Variants in LIMS1 observed in about 807,000 individuals in gnomAD.
The protein encoded by LIMS1 is LIM zinc finger domain containing 1.
Under a neutral mutation model 44.1 loss-of-function variants are expected in LIMS1, and 18 were observed. That is an observed-to-expected ratio of 0.41 (90% CI 0.28 to 0.61). LIMS1 has a LOEUF of 0.61. LIMS1 is among the 20% of genes least tolerant of loss of function. LIMS1 has a pLI of 0.32. For synonymous variants in LIMS1, 93 were observed against 149.1 expected, an observed-to-expected ratio of 0.62 and a Z score of 2.74; for missense variants, 201 against 422.0, an observed-to-expected ratio of 0.48 and a Z score of 4.59.
intron 1 of LIMS1, among the ~76,000 whole-genome samples, chr2:108,640,806 C>A (rs1323905506): frequency 2.6e-5 from 4 of 152,192 alleles, no homozygotes; most frequent in Non-Finnish European, 4.4e-5. Context: ...TCACAATCCT[C>A]TTCTAGCTTT....
chr2:108,560,231 A>G (rs574255806), intron 1 of LIMS1, among the ~76,000 whole-genome samples: 4 of 152,098 alleles, frequency 2.6e-5, no homozygotes, highest in South Asian at 2.1e-4. Context: ...GCTCCAGTCT[A>G]TTCTTAACAC....
chr2:108,636,161 C>T (rs754202493), intron 1 of LIMS1, among the ~76,000 whole-genome samples: 4 of 152,166 alleles, frequency 2.6e-5, no homozygotes, highest in Non-Finnish European at 5.9e-5. Flanking sequence ...AGGGAGGAGC[C>T]CTACTCCGTG....
At chr2:108,678,073 A>G in intron 8 of LIMS1, 46 bp downstream of exon 8, 1 of 1,608,422 alleles carries the variant, frequency 6.2e-7, no homozygotes, top group Non-Finnish European at 8.5e-7. Context: ...TTGACACAAA[A>G]ACACTTGGGT....
intron 1 of LIMS1, among the ~76,000 whole-genome samples, chr2:108,632,976 G>A (rs138526877): frequency 9.6e-4 from 146 of 152,274 alleles, no homozygotes; most frequent in African/African-American, 3.3e-3. Flanking sequence ...TTATGTTTGT[G>A]CTCAGGTTAA....
intron 1 of LIMS1, among the ~76,000 whole-genome samples, chr2:108,612,055 T>C (rs6739592): frequency 0.54 from 55,072 of 102,686 alleles, 13,115 homozygotes; most frequent in East Asian, 0.93. Flanking sequence ...CACACACACA[T>C]ATATATATAT....
chr2:108,583,364 G>T lies in LIMS1; in HGVS notation c.32+48770G>T, dbSNP rs77761165. Reference sequence around the variant, plus strand: ...GGCCCAAAGGGTTTTGTTTTTAAATGAGAGATGGTTAGTAAACTAATGTTT... The same window carrying T: ...GGCCCAAAGGGTTTTGTTTTTAAATTAGAGATGGTTAGTAAACTAATGTTT... On this transcript the variant is annotated intron_variant, in intron 1 of 9. Coordinates refer to ENST00000544547, the Ensembl canonical transcript of LIMS1. Among the ~76,000 whole-genome samples the T allele has an allele frequency of 5.7e-3, 870 of 151,908 alleles. 9 individuals are homozygous for T. The highest frequency in any genetic ancestry group is 0.02 in the African/African-American group (834 of 41,434).
chr2:108,587,175 A>G (rs527864919), intron 1 of LIMS1, among the ~76,000 whole-genome samples: 24 of 152,138 alleles, frequency 1.6e-4, no homozygotes, highest in African/African-American at 5.5e-4. Context: ...TTCCCTGTAA[A>G]TAGTCACCTG....
chr2:108,595,276 G>A (rs1686617419), intron 1 of LIMS1, among the ~76,000 whole-genome samples: 2 of 152,154 alleles, frequency 1.3e-5, no homozygotes, highest in South Asian at 4.1e-4. Flanking sequence ...TTTAATGTAT[G>A]TGTGGATGTC....
At chr2:108,637,142 TGTG>T (rs1689330478) in intron 1 of LIMS1, among the ~76,000 whole-genome samples, 1 of 151,436 alleles carries the variant, frequency 6.6e-6, no homozygotes, top group Non-Finnish European at 1.5e-5. Flanking sequence ...TGTGTGTGTG[TGTG>T]TATTTTAGTT....
At chr2:108,579,126 T>G (rs539471841) in intron 1 of LIMS1, among the ~76,000 whole-genome samples, 1 of 152,328 alleles carries the variant, frequency 6.6e-6, no homozygotes. Context: ...CTAACATTCA[T>G]TTTGAGATGA....
At chr2:108,569,016 C>T (rs956354523) in intron 1 of LIMS1, among the ~76,000 whole-genome samples, 7 of 152,060 alleles carry the variant, frequency 4.6e-5, no homozygotes, top group Admixed American at 3.3e-4. Context: ...CTCAGCCTCC[C>T]GGGAAGCTGA....
At chr2:108,598,062 C>T (rs1167636007) in intron 1 of LIMS1, among the ~76,000 whole-genome samples, 1 of 151,564 alleles carries the variant, frequency 6.6e-6, no homozygotes, top group African/African-American at 2.4e-5. Context: ...TCTAATATAT[C>T]CTTGTTTCTC....
intron 1 of LIMS1, among the ~76,000 whole-genome samples, chr2:108,632,586 A>G (rs1186489412): frequency 6.6e-6 from 1 of 152,142 alleles, no homozygotes; most frequent in East Asian, 1.9e-4. Flanking sequence ...ATCTTATTGC[A>G]CAAAATGGTA....
At chr2:108,608,831 G>A (rs1465861898) in intron 1 of LIMS1, among the ~76,000 whole-genome samples, 2 of 152,156 alleles carry the variant, frequency 1.3e-5, no homozygotes, top group South Asian at 4.2e-4. Context: ...CGAGAAATAG[G>A]GATACCGCTC....
Position 108,612,007 on chromosome 2 carries a change from C to CAT in LIMS1, c.33-47588_33-47587dup, listed in dbSNP as rs1174010855. On this transcript the variant is annotated intron_variant, in intron 1 of 9. Coordinates refer to ENST00000544547, the Ensembl canonical transcript of LIMS1. ...TATATACATATATTATATATACACA[C>CAT]ATATATATATACACACACATATACA... is the stretch of plus-strand genomic sequence containing the variant. 2.1e-3 allele frequency among the ~76,000 whole-genome samples: 119 copies of CAT among 57,334 alleles called. 1 individual carries two copies. Among genetic ancestry groups the CAT allele is most frequent in the Non-Finnish European group, 3.7e-3 (94 of 25,392 alleles). 37.6% of individuals were successfully genotyped at this position (57,334 alleles called of 152,430 possible).
At chr2:108,657,739 T>A (rs1471237914) in intron 1 of LIMS1, among the ~76,000 whole-genome samples, 1 of 150,440 alleles carries the variant, frequency 6.6e-6, no homozygotes, top group Non-Finnish European at 1.5e-5. Flanking sequence ...CCTTCCTTCC[T>A]TTTTTTTGTG....
intron 1 of LIMS1, chr2:108,607,148 C>T: frequency 6.8e-6 from 10 of 1,480,818 alleles, no homozygotes; most frequent in Non-Finnish European, 7.4e-6. Context: ...CCTGCTTGCC[C>T]CTTCCTGCAT....
intron 2 of LIMS1, among the ~76,000 whole-genome samples, chr2:108,664,606 C>G (rs570736157): frequency 1.3e-5 from 2 of 152,098 alleles, no homozygotes; most frequent in African/African-American, 4.8e-5. Flanking sequence ...TTAAATCTTC[C>G]CAATTTATGA....
At chr2:108,622,972 GATTTT>G in intron 1 of LIMS1, among the ~76,000 whole-genome samples, 1 of 115,156 alleles carries the variant, frequency 8.7e-6, no homozygotes, top group African/African-American at 3.3e-5. Flanking sequence ...CAAACAACTA[GATTTT>G]TTTTTTTTTT....
Sources: allele counts gnomAD v4.1 joint callset (sites outside exome capture counted in the v4.1 genomes callset), GRCh38; gene constraint gnomAD v4.1.1; transcripts MANE v1.5; gene names NCBI Gene and HGNC (gene_info 2026-07-23, HGNC 2026-07-21).